LHFPL4: variants seen among roughly 807,000 people sequenced by gnomAD.
The protein encoded by LHFPL4 is LHFPL tetraspan subfamily member 4 protein.
Under a neutral mutation model 20.0 loss-of-function variants are expected in LHFPL4, and 6 were observed. The observed-to-expected ratio is 0.30, with a 90% CI of 0.16 to 0.59. The LOEUF is 0.59. Ranked by LOEUF, LHFPL4 falls within the 20% of genes least tolerant of loss-of-function variation. The pLI, the probability that LHFPL4 is intolerant of heterozygous loss-of-function variation, is 0.88. For synonymous variants in LHFPL4, 129 were observed against 143.8 expected, an observed-to-expected ratio of 0.90 and a Z score of 0.74; for missense variants, 215 against 331.2, an observed-to-expected ratio of 0.65 and a Z score of 2.72.
chr3:9,531,397 T>C (rs2046407588), intron 2 of LHFPL4, among the ~76,000 whole-genome samples: 1 of 152,182 alleles, frequency 6.6e-6, no homozygotes, highest in Admixed American at 6.5e-5. Context: ...GCATATACGC[T>C]TGAGTATCTA....
chr3:9,513,095 G>A (rs957104184), intron 2 of LHFPL4, among the ~76,000 whole-genome samples: 2 of 151,188 alleles, frequency 1.3e-5, no homozygotes, highest in Non-Finnish European at 3.0e-5. Flanking sequence ...GAGTAGCTGG[G>A]ATTACAGGCG....
At chr3:9,549,112 A>G (rs1203746322) in intron 2 of LHFPL4, among the ~76,000 whole-genome samples, 1 of 152,044 alleles carries the variant, frequency 6.6e-6, no homozygotes, top group Non-Finnish European at 1.5e-5. Context: ...TTTTTTTCTA[A>G]TTTATTTAAG....
chr3:9,535,262 A>G (rs1485284435), intron 2 of LHFPL4, among the ~76,000 whole-genome samples: 1 of 152,232 alleles, frequency 6.6e-6, no homozygotes, highest in Non-Finnish European at 1.5e-5. Context: ...AGGCACTATA[A>G]TAAGTACTTT....
At chr3:9,548,990 GGA>G (rs1234120073) in intron 2 of LHFPL4, among the ~76,000 whole-genome samples, 1 of 152,230 alleles carries the variant, frequency 6.6e-6, no homozygotes, top group Non-Finnish European at 1.5e-5. Context: ...ACCAAGAAAT[GGA>G]GAGAGACAGA....
intron 2 of LHFPL4, among the ~76,000 whole-genome samples, chr3:9,516,010 C>T (rs1425212558): frequency 4.6e-5 from 7 of 152,140 alleles, no homozygotes; most frequent in Admixed American, 3.3e-4. Context: ...CCATGGCACC[C>T]GGCCCAGATA....
chr3:9,546,031 G>C (rs1453767172), intron 2 of LHFPL4, among the ~76,000 whole-genome samples: 1 of 151,968 alleles, frequency 6.6e-6, no homozygotes, highest in African/African-American at 2.4e-5. Flanking sequence ...ACACACATCT[G>C]GGCCAGGTGC....
At chr3:9,538,857 C>T (rs1378625177) in intron 2 of LHFPL4, among the ~76,000 whole-genome samples, 1 of 151,984 alleles carries the variant, frequency 6.6e-6, no homozygotes, top group Non-Finnish European at 1.5e-5. Flanking sequence ...CACCACCACG[C>T]CCGGCTAATT....
chr3:9,542,193 C>A (rs756842104), intron 2 of LHFPL4, among the ~76,000 whole-genome samples: 1 of 151,440 alleles, frequency 6.6e-6, no homozygotes, highest in Non-Finnish European at 1.5e-5. Flanking sequence ...GGCTGAGGCA[C>A]AAGAATCGCT....
intron 3 of LHFPL4, among the ~76,000 whole-genome samples, chr3:9,504,779 C>G (rs1427740629): frequency 6.7e-6 from 1 of 150,302 alleles, no homozygotes; most frequent in Non-Finnish European, 1.5e-5. Context: ...GAGTGGAGAT[C>G]GCGCCACTGC....
At chr3:9,542,582 G>A (rs2046484035) in intron 2 of LHFPL4, among the ~76,000 whole-genome samples, 1 of 151,994 alleles carries the variant, frequency 6.6e-6, no homozygotes, top group South Asian at 2.1e-4. Context: ...CGAGGTGGAA[G>A]GATTGCTTGA....
intron 2 of LHFPL4, among the ~76,000 whole-genome samples, chr3:9,507,311 C>T (rs146545594): frequency 6.6e-6 from 1 of 152,140 alleles, no homozygotes; most frequent in Non-Finnish European, 1.5e-5. Flanking sequence ...TACGTAATAG[C>T]AAAGCGATTA....
chr3:9,536,520 A>G (rs1237482392), intron 2 of LHFPL4, among the ~76,000 whole-genome samples: 1 of 151,912 alleles, frequency 6.6e-6, no homozygotes, highest in Admixed American at 6.6e-5. Context: ...CCTTCTCTCC[A>G]TCTCCACTGC....
chr3:9,543,097 TC>T (rs1201736860), intron 2 of LHFPL4, among the ~76,000 whole-genome samples: 2 of 152,148 alleles, frequency 1.3e-5, no homozygotes, highest in Non-Finnish European at 2.9e-5. Flanking sequence ...GAATTATATC[TC>T]AATACAACTG....
At position 9,536,089 on chromosome 3, in the gene LHFPL4, G is replaced by A. The variant is rs2046442622; in HGVS notation, c.406+16185C>T. On this transcript the variant is annotated intron_variant, in intron 2 of 3. Transcript: ENST00000287585. Reference sequence around the variant, plus strand: ...TGGGATTACAAGCGTGAGCCACCAGGTCTGGCCAGGGGGGCCACAGCTTTC... The same window carrying A: ...TGGGATTACAAGCGTGAGCCACCAGATCTGGCCAGGGGGGCCACAGCTTTC... Among the ~76,000 whole-genome samples the A allele has an allele frequency of 2.0e-5, 3 of 152,250 alleles. No homozygotes were observed. The South Asian group carries it at 6.2e-4, about 32-fold the overall frequency.
At chr3:9,523,982 TTC>T (rs1491195675) in intron 2 of LHFPL4, among the ~76,000 whole-genome samples, 3 of 135,560 alleles carry the variant, frequency 2.2e-5, no homozygotes, top group Admixed American at 7.3e-5. Context: ...AGGCTAGTAT[TTC>T]CCCCCCCCCC....
chr3:9,518,945 A>C (rs1302225518), intron 2 of LHFPL4, among the ~76,000 whole-genome samples: 2 of 143,362 alleles, frequency 1.4e-5, no homozygotes, highest in African/African-American at 2.6e-5. Context: ...TTATTTATTT[A>C]TTTATTTAGA....
At chr3:9,509,422 T>A (rs1288271824) in intron 2 of LHFPL4, among the ~76,000 whole-genome samples, 2 of 152,188 alleles carry the variant, frequency 1.3e-5, no homozygotes, top group African/African-American at 4.8e-5. Context: ...CCTCTCTTTT[T>A]GCCTCTCACT....
intron 2 of LHFPL4, among the ~76,000 whole-genome samples, chr3:9,535,750 T>A (rs2633776): frequency 0.041 from 6,181 of 151,978 alleles, 153 homozygotes; most frequent in Non-Finnish European, 0.058. Flanking sequence ...TCTGTCCACA[T>A]TGGGGCCACA....
intron 2 of LHFPL4, among the ~76,000 whole-genome samples, chr3:9,539,523 C>T (rs1420727692): frequency 6.6e-6 from 1 of 151,786 alleles, no homozygotes; most frequent in East Asian, 1.9e-4. Context: ...TCCTCTCCAC[C>T]AACAACCAGA....
Sources: gnomAD v4.1 joint callset for allele counts (sites outside exome capture counted in the v4.1 genomes callset) on GRCh38, gnomAD v4.1.1 for gene constraint, MANE v1.5 for transcripts, NCBI Gene and HGNC (gene_info 2026-07-23, HGNC 2026-07-21) for gene names.